NDUFAF6: variants seen among roughly 807,000 people sequenced by gnomAD.
NDUFAF6 encodes NADH:ubiquinone oxidoreductase complex assembly factor 6, also known as NADH dehydrogenase (ubiquinone) complex I, assembly factor 6.
NDUFAF6 carries 45 observed loss-of-function variants against 40.8 expected under a neutral mutation model. The observed-to-expected ratio is 1.10, with a 90% CI of 0.87 to 1.42. The LOEUF is 1.42. NDUFAF6 is among the 40% of genes most tolerant of loss of function. The pLI is 0.00. For synonymous variants in NDUFAF6, 185 were observed against 155.9 expected (o/e 1.19, Z -1.39); for missense variants, 435 against 418.5 (o/e 1.04, Z -0.34).
At chr8:94,989,716 T>C (rs1826109931) in intron 2 of NDUFAF6, among the ~76,000 whole-genome samples, 1 of 152,144 alleles carries the variant, frequency 6.6e-6, no homozygotes, top group African/African-American at 2.4e-5. Flanking sequence ...ACCTGTTCCA[T>C]TGCTAAGAGA....
At chr8:95,035,367 A>T in intron 2 of NDUFAF6, 87 bp from the exon 3 acceptor site, 1 of 1,401,736 alleles carries the variant, frequency 7.1e-7, no homozygotes, top group Non-Finnish European at 1.0e-6. Flanking sequence ...CAGAACAGTT[A>T]CATTAACTCA....
chr8:95,090,157 C>T (rs1034334032), intron 2 of NDUFAF6, among the ~76,000 whole-genome samples: 4 of 151,690 alleles, frequency 2.6e-5, no homozygotes, highest in South Asian at 2.1e-4. Context: ...TCTGTCTATT[C>T]GGTGTGGCCC....
At chr8:95,083,495 A>G (rs889563881) in intron 2 of NDUFAF6, among the ~76,000 whole-genome samples, 1 of 152,234 alleles carries the variant, frequency 6.6e-6, no homozygotes, top group Non-Finnish European at 1.5e-5. Flanking sequence ...CTACTCATCT[A>G]GAACAGCAGT....
chr8:95,069,731 G>C (rs1832790056), intron 9 of NDUFAF6, among the ~76,000 whole-genome samples: 1 of 147,072 alleles, frequency 6.8e-6, no homozygotes, highest in South Asian at 2.1e-4. Flanking sequence ...AGTGAGCTGA[G>C]ACCATGCCAT....
At chr8:95,108,430 G>C (rs573257387), downstream of NDUFAF6, among the ~76,000 whole-genome samples, 1 of 152,120 alleles carries the variant, frequency 6.6e-6, no homozygotes, top group Non-Finnish European at 1.5e-5. Flanking sequence ...CAAAGACATT[G>C]TACTAAGTAA....
At chr8:95,043,519 ACT>A (rs112054274) in intron 4 of NDUFAF6, among the ~76,000 whole-genome samples, 1,950 of 152,142 alleles carry the variant, frequency 0.013, 29 homozygotes, top group African/African-American at 0.044. Context: ...TATGCAAGAA[ACT>A]CTTACAACTC....
At chr8:94,949,449 C>G (rs1222476038) in intron 2 of NDUFAF6, 1 of 151,816 alleles carries the variant, frequency 6.6e-6, no homozygotes, top group Non-Finnish European at 1.5e-5. Context: ...CCGGGCCCCA[C>G]CAATCGGCGG....
intron 1 of NDUFAF6, among the ~76,000 whole-genome samples, chr8:94,979,560 G>T (rs1436566156): frequency 6.6e-6 from 1 of 151,846 alleles, no homozygotes; most frequent in Non-Finnish European, 1.5e-5. Context: ...TGAAATCTGG[G>T]GATTTTACTT....
At chr8:95,085,297 G>T (rs60955974) in intron 2 of NDUFAF6, among the ~76,000 whole-genome samples, 11,630 of 152,130 alleles carry the variant, frequency 0.076, 1,440 homozygotes, top group African/African-American at 0.26. Flanking sequence ...CTTTAACTAC[G>T]GAAGAGGAAT....
chr8:94,920,078 G>GT (rs1819396465), intron 1 of NDUFAF6, among the ~76,000 whole-genome samples: 1 of 152,044 alleles, frequency 6.6e-6, no homozygotes, highest in East Asian at 1.9e-4. Context: ...GTTAAAAGGG[G>GT]GTAGAGATGG....
intron 2 of NDUFAF6, among the ~76,000 whole-genome samples, chr8:94,946,115 T>C (rs1821964418): frequency 6.6e-6 from 1 of 152,156 alleles, no homozygotes. Flanking sequence ...TGTTTTTTTT[T>C]TTCTTCTACA....
intron 1 of NDUFAF6, among the ~76,000 whole-genome samples, chr8:94,937,437 T>C (rs1409059598): frequency 1.5e-5 from 2 of 134,400 alleles, no homozygotes; most frequent in African/African-American, 3.3e-5. Context: ...TGAGACTCCA[T>C]CTCAAAAAAA....
chr8:95,101,654 T>G (rs1359289510), intron 2 of NDUFAF6, among the ~76,000 whole-genome samples: 1 of 152,240 alleles, frequency 6.6e-6, no homozygotes, highest in Non-Finnish European at 1.5e-5. Context: ...GATGGACACA[T>G]GCATAGTTTT....
chr8:95,081,932 G>A (rs1262541571), intron 2 of NDUFAF6, among the ~76,000 whole-genome samples: 1 of 152,228 alleles, frequency 6.6e-6, no homozygotes, highest in Non-Finnish European at 1.5e-5. Flanking sequence ...CGGGCGTGGT[G>A]GCGGGCACCT....
intron 1 of NDUFAF6, among the ~76,000 whole-genome samples, chr8:94,906,751 A>G (rs1818417737): frequency 6.6e-6 from 1 of 152,206 alleles, no homozygotes; most frequent in Non-Finnish European, 1.5e-5. Context: ...ATTTTAGCTT[A>G]AGATTATTTT....
At chr8:94,998,218 T>A (rs1826544771) in intron 2 of NDUFAF6, among the ~76,000 whole-genome samples, 1 of 152,236 alleles carries the variant, frequency 6.6e-6, no homozygotes, top group South Asian at 2.1e-4. Flanking sequence ...TTTGGAGGAA[T>A]ATTTATTAAT....
At chr8:95,006,872 G>A (rs1464169979) in intron 2 of NDUFAF6, among the ~76,000 whole-genome samples, 1 of 151,890 alleles carries the variant, frequency 6.6e-6, no homozygotes, top group Non-Finnish European at 1.5e-5. Flanking sequence ...AACAGAACCA[G>A]ACTTGTCTCA....
At chr8:94,931,849 G>A (rs1418606495) in intron 1 of NDUFAF6, among the ~76,000 whole-genome samples, 2 of 152,104 alleles carry the variant, frequency 1.3e-5, no homozygotes, top group Admixed American at 1.3e-4. Flanking sequence ...ATGCAAGCCT[G>A]TAATCCCAGC....
At chr8:94,950,266 T>C (rs1586774821) in intron 2 of NDUFAF6, 1 of 152,292 alleles carries the variant, frequency 6.6e-6, no homozygotes, top group African/African-American at 2.4e-5. Flanking sequence ...AGGTTATTTA[T>C]AGTGACAAGA....
Sources: gnomAD v4.1 joint callset for allele counts (sites outside exome capture counted in the v4.1 genomes callset) on GRCh38, gnomAD v4.1.1 for gene constraint, MANE v1.5 for transcripts, NCBI Gene and HGNC (gene_info 2026-07-23, HGNC 2026-07-21) for gene names.